KDM7A: variants seen among roughly 807,000 people sequenced by gnomAD.
The protein encoded by KDM7A is lysine-specific demethylase 7A.
A neutral mutation model predicts 114.8 loss-of-function variants in KDM7A; 28 were observed. The ratio of observed to expected loss-of-function variants is 0.24; its 90% CI spans 0.18 to 0.33. The LOEUF is 0.33. Ranked by LOEUF, KDM7A falls within the 10% of genes least tolerant of loss-of-function variation. The pLI, the probability that KDM7A is intolerant of heterozygous loss-of-function variation, is 1.00. For synonymous variants in KDM7A, 423 were observed against 397.8 expected (o/e 1.06, Z -0.75); for missense variants, 942 against 1,142.5 (o/e 0.82, Z 2.53).
intron 1 of KDM7A, among the ~76,000 whole-genome samples, chr7:140,146,763 T>C (rs948495012): frequency 1.3e-5 from 2 of 152,224 alleles, no homozygotes; most frequent in Admixed American, 1.3e-4. Context: ...TTTAGCACTT[T>C]CCATTGTCTT....
intron 1 of KDM7A, among the ~76,000 whole-genome samples, chr7:140,165,588 T>C (rs1370825498): frequency 6.6e-6 from 1 of 152,220 alleles, no homozygotes; most frequent in African/African-American, 2.4e-5. Context: ...CTGAGCATCA[T>C]GATGAAATCT....
chr7:140,172,462 G>A (rs1218274049), intron 1 of KDM7A, among the ~76,000 whole-genome samples: 1 of 151,966 alleles, frequency 6.6e-6, no homozygotes, highest in Non-Finnish European at 1.5e-5. Context: ...GACCATCCTG[G>A]CTAACACAGT....
chr7:140,166,413 C>G (rs945429486), intron 1 of KDM7A, among the ~76,000 whole-genome samples: 1 of 146,712 alleles, frequency 6.8e-6, no homozygotes, highest in Non-Finnish European at 1.5e-5. Flanking sequence ...GATCATGGCT[C>G]ACTGCAGCTT....
At chr7:140,166,335 C>CTTTTTTTTTT (rs746518929) in intron 1 of KDM7A, among the ~76,000 whole-genome samples, 2 of 128,674 alleles carry the variant, frequency 1.6e-5, no homozygotes, top group African/African-American at 2.9e-5. Flanking sequence ...CTTTTTTTTC[C>CTTTTTTTTTT]TTTTTTTTTT....
rs760167066 is a variant in KDM7A, at chr7:140,127,541, G to T, written c.602C>A (p.Ala201Glu). The T allele has an allele frequency of 6.2e-7, 1 of 1,613,676 alleles. No homozygotes were observed. The highest frequency in any genetic ancestry group is 1.7e-5 in the Admixed American group (1 of 60,010). ...ATTGTGAAGTGTCATTTTGCTGTCT[G>T]CCTGCCTCGCCACATCAATGACATC... ...VIDVIDVARQ[A>E]DSKMTLHNYV... Residue 201 changes from alanine to glutamate, a missense_variant, in exon 5 of 20, where the codon GCA (alanine) becomes GAA (glutamate). Around this residue, in one of 4 missense-constraint regions of KDM7A, gnomAD observed 318 missense variants for 453.1 expected, o/e 0.70. Coordinates refer to ENST00000397560, the MANE Select transcript of KDM7A (RefSeq NM_030647.2).
In KDM7A at chr7:140,088,007, T is replaced by C. The variant is rs962001600; in HGVS notation, c.*3087A>G. On this transcript the variant is annotated 3_prime_UTR_variant, in exon 20 of 20. Transcript: ENST00000397560. ...GTAGTGCTGGGCACACAGTAGATGT[T>C]TGATAAATACCTGTTGATCCCATAT... 4 of 152,278 alleles carry C rather than the reference T, an allele frequency of 2.6e-5. No homozygotes were observed. Among genetic ancestry groups the C allele is most frequent in the African/African-American group, 9.6e-5 (4 of 41,462 alleles). 9.4% of individuals were successfully genotyped at this position (152,278 alleles called of 1,614,324 possible). A position where few individuals can be genotyped will look rare whatever the true frequency, so the allele number is the denominator to read the frequency against.
chr7:140,140,584 G>A (rs1794257988), intron 1 of KDM7A, among the ~76,000 whole-genome samples: 1 of 152,048 alleles, frequency 6.6e-6, no homozygotes, highest in Non-Finnish European at 1.5e-5. Flanking sequence ...GATCAGTCTG[G>A]CCAACATGGG....
chr7:140,124,919 T>A (rs189982604), intron 6 of KDM7A, 136 bp from the exon 7 acceptor site: 30 of 619,478 alleles, frequency 4.8e-5, no homozygotes, highest in African/African-American at 4.5e-4. Context: ...AAAAGACATA[T>A]TTCACACACC....
intron 1 of KDM7A, among the ~76,000 whole-genome samples, chr7:140,159,540 T>G (rs973885212): frequency 3.3e-5 from 5 of 152,168 alleles, no homozygotes; most frequent in Admixed American, 3.3e-4. Context: ...ACTTAGCAGT[T>G]GCCTTTTCGC....
chr7:140,167,700 T>C (rs1172423223), intron 1 of KDM7A, among the ~76,000 whole-genome samples: 1 of 152,074 alleles, frequency 6.6e-6, no homozygotes, highest in Non-Finnish European at 1.5e-5. Context: ...AAATTCTCTT[T>C]ACCTTGAGGT....
At position 140,088,492 on chromosome 7, in the gene KDM7A, A is replaced by G. The variant is rs1478957679; in HGVS notation, c.*2602T>C. ...TCCTAAGTTGCTGTGTCTGTATGGTATAAATGAGGTTCTCTATTACTGTTA... is the reference window on the plus strand; with the variant it reads ...TCCTAAGTTGCTGTGTCTGTATGGTGTAAATGAGGTTCTCTATTACTGTTA... On this transcript the variant is annotated 3_prime_UTR_variant, in exon 20 of 20. Coordinates refer to ENST00000397560, the MANE Select transcript of KDM7A (RefSeq NM_030647.2). 2.5e-6 allele frequency: 1 copy of G among 398,302 alleles called. No individual in the cohort carries two copies. Among genetic ancestry groups the G allele is most frequent in the South Asian group, 1.3e-4 (1 of 7,864 alleles). The allele number at this position is 398,302 out of a possible 1,614,324, so 24.7% of individuals were successfully genotyped here.
chr7:140,132,967 T>C (rs1818813786), intron 3 of KDM7A, among the ~76,000 whole-genome samples: 1 of 152,124 alleles, frequency 6.6e-6, no homozygotes, highest in Non-Finnish European at 1.5e-5. Context: ...AGGCAGTGAG[T>C]AGGAAATGAT....
Position 140,097,620 on chromosome 7 carries a change from T to C in KDM7A, c.1941A>G (p.Ser647=), listed in dbSNP as rs1459712076. ...ATCCTGATGATCTACTCCTGAGTTCTGATTTCACACGTGTAAAAAACCCTG... is the reference window on the plus strand; with the variant it reads ...ATCCTGATGATCTACTCCTGAGTTCCGATTTCACACGTGTAAAAAACCCTG... ...PLNGFFTRVK[S]ELRSRSSGYS... The change falls in exon 15 of 20, where the codon TCA becomes TCG. Residue 647 remains serine, a synonymous_variant. Transcript: ENST00000397560. 3 of 1,601,916 alleles carry C rather than the reference T, an allele frequency of 1.9e-6. No homozygotes were observed. The highest frequency in any genetic ancestry group is 1.1e-5 in the South Asian group (1 of 90,776).
intron 1 of KDM7A, among the ~76,000 whole-genome samples, chr7:140,143,997 C>A (rs1318124907): frequency 3.3e-5 from 5 of 152,154 alleles, no homozygotes; most frequent in African/African-American, 1.2e-4. Flanking sequence ...TTGTATATAT[C>A]TTTACATACA....
At chr7:140,130,044 G>A (rs970710816) in intron 3 of KDM7A, among the ~76,000 whole-genome samples, 40 of 151,970 alleles carry the variant, frequency 2.6e-4, no homozygotes, top group African/African-American at 9.2e-4. Flanking sequence ...CAGATTTTCC[G>A]ATTAGGGATG....
intron 11 of KDM7A, among the ~76,000 whole-genome samples, chr7:140,108,674 G>A (rs535200822): frequency 3.3e-5 from 5 of 152,230 alleles, no homozygotes; most frequent in African/African-American, 7.2e-5. Flanking sequence ...GGTGTCAGTC[G>A]GCCCTTACTG....
chr7:140,162,715 C>T (rs1051047216), intron 1 of KDM7A, among the ~76,000 whole-genome samples: 53 of 151,994 alleles, frequency 3.5e-4, no homozygotes, highest in African/African-American at 1.2e-3. Context: ...ATGGATAATG[C>T]TAGAAACTTA....
At chr7:140,100,834 C>G (rs1202470629) in intron 12 of KDM7A, among the ~76,000 whole-genome samples, 2 of 150,236 alleles carry the variant, frequency 1.3e-5, no homozygotes, top group African/African-American at 4.9e-5. Flanking sequence ...GATCTCGGCT[C>G]ACTGCAAGCT....
In KDM7A at chr7:140,105,926, T is replaced by C. The variant is rs1818329225; in HGVS notation, c.1429-3766A>G. Among the ~76,000 whole-genome samples, 4 of 152,140 alleles carry C rather than the reference T, an allele frequency of 2.6e-5. No homozygotes were observed. The South Asian group carries it at 6.2e-4, about 24-fold the overall frequency. ...TGTGAATCCGTCTGGTCCTGGACTT[T>C]TTTTGGGTGGTAGGCTCTTAATTAT... On this transcript the variant is annotated intron_variant, in intron 11 of 19. Transcript: ENST00000397560.
Sources: gnomAD v4.1 joint callset for allele counts (sites outside exome capture counted in the v4.1 genomes callset) on GRCh38, gnomAD v4.1.1 for gene constraint, gnomAD v4.1.1 regional missense constraint, MANE v1.5 for transcripts, NCBI Gene and HGNC (gene_info 2026-07-23, HGNC 2026-07-21) for gene names.